The following NR3C2 variants were observed in gnomAD, a reference collection of about 807,000 sequenced individuals.
NR3C2 encodes the protein mineralocorticoid receptor.
Under a neutral mutation model 86.4 loss-of-function variants are expected in NR3C2, and 15 were observed. The ratio of observed to expected loss-of-function variants is 0.17; its 90% CI spans 0.12 to 0.27. NR3C2 has a LOEUF of 0.27. Among genes scored for constraint, NR3C2 ranks in the 10% least tolerant of loss-of-function variants. The pLI, the probability that NR3C2 is intolerant of heterozygous loss-of-function variation, is 1.00. For missense variants in NR3C2, 960 were observed against 1,195.6 expected (o/e 0.80, Z 2.91); for synonymous variants, 458 against 450.5 (o/e 1.02, Z -0.21).
At position 148,195,580 on chromosome 4, in the gene NR3C2, G is replaced by C. The variant is rs554036538; in HGVS notation, c.1898-718C>G. Among the ~76,000 whole-genome samples, 148 of 152,318 alleles carry C rather than the reference G, an allele frequency of 9.7e-4. 1 individual carries two copies. The highest frequency in any genetic ancestry group is 3.2e-3 in the African/African-American group (133 of 41,570). On this transcript the variant is annotated intron_variant, in intron 3 of 8. Transcript: ENST00000358102. ...AATAGACAAGGTAATTAGATAAAAT[G>C]TGTAAGATGTCAGATAATAATAAGC... is the stretch of plus-strand genomic sequence containing the variant.
At chr4:148,264,392 C>T (rs890163356) in intron 2 of NR3C2, among the ~76,000 whole-genome samples, 13 of 152,180 alleles carry the variant, frequency 8.5e-5, no homozygotes, top group African/African-American at 3.1e-4. Context: ...CTTGAACTCA[C>T]CTTCTTCTTA....
intron 8 of NR3C2, among the ~76,000 whole-genome samples, chr4:148,109,510 C>G (rs1309188461): frequency 6.6e-6 from 1 of 152,238 alleles, no homozygotes; most frequent in Admixed American, 6.5e-5. Context: ...TACATGCTCT[C>G]AAGGGTCCCA....
chr4:148,377,412 G>C (rs1480188743), intron 2 of NR3C2, among the ~76,000 whole-genome samples: 3 of 152,128 alleles, frequency 2.0e-5, no homozygotes, highest in Non-Finnish European at 2.9e-5. Context: ...AAAAGTAGGG[G>C]ACAGCAAAGA....
At chr4:148,189,620 G>C (rs1736101386) in intron 4 of NR3C2, among the ~76,000 whole-genome samples, 1 of 152,144 alleles carries the variant, frequency 6.6e-6, no homozygotes. Context: ...TTGAATGTCT[G>C]ATAGAATTCT....
chr4:148,306,098 T>A (rs898861844), intron 2 of NR3C2, among the ~76,000 whole-genome samples: 5 of 152,212 alleles, frequency 3.3e-5, no homozygotes, highest in African/African-American at 1.2e-4. Flanking sequence ...ACTTTACAGT[T>A]TAAGACATGT....
At chr4:148,348,979 C>T (rs929691990) in intron 2 of NR3C2, among the ~76,000 whole-genome samples, 2 of 152,020 alleles carry the variant, frequency 1.3e-5, no homozygotes, top group Admixed American at 6.6e-5. Context: ...ATTTTTGCTG[C>T]AAATTAGTAT....
At chr4:148,317,865 C>G (rs1743285152) in intron 2 of NR3C2, among the ~76,000 whole-genome samples, 1 of 146,592 alleles carries the variant, frequency 6.8e-6, no homozygotes, top group Non-Finnish European at 1.5e-5. Context: ...TCTAGTTAAG[C>G]TGTTTTCTTT....
Position 148,435,866 on chromosome 4 carries a change from G to T in NR3C2, c.995C>A (p.Ser332Tyr), listed in dbSNP as rs995480425. The change falls in exon 2 of 9, where the codon TCT (serine) becomes TAT (tyrosine). Residue 332 changes from serine (S) to tyrosine (Y), a missense_variant. Coordinates refer to ENST00000358102, the MANE Select transcript of NR3C2 (RefSeq NM_000901.5). ...GGCATTGTTTACAGGGCTACAGATA[G>T]ATCCCACAGTACTGGCTGCCGGACT... ...LSSPAASTVGSICSPVNNAFS... is the reference protein window; with the variant it reads ...LSSPAASTVGYICSPVNNAFS... 1.9e-6 allele frequency: 3 copies of T among 1,614,102 alleles called. No homozygotes were observed. In the Admixed American group the frequency reaches 5.0e-5, roughly 27 times the overall value.
intron 2 of NR3C2, among the ~76,000 whole-genome samples, chr4:148,432,669 A>T (rs1749847493): frequency 6.6e-6 from 1 of 152,144 alleles, no homozygotes; most frequent in Admixed American, 6.5e-5. Flanking sequence ...AACCTATTCA[A>T]CATTCCCTGA....
intron 6 of NR3C2, 100 bp downstream of exon 6, chr4:148,152,367 TAG>T: frequency 7.5e-7 from 1 of 1,333,040 alleles, no homozygotes; most frequent in Non-Finnish European, 1.1e-6. Flanking sequence ...CCAGTTTCAG[TAG>T]ATTCTTTCAC....
At chr4:148,127,074 A>AT (rs1360779517) in intron 6 of NR3C2, among the ~76,000 whole-genome samples, 1 of 152,176 alleles carries the variant, frequency 6.6e-6, no homozygotes, top group Non-Finnish European at 1.5e-5. Flanking sequence ...ATGTGGTAAC[A>AT]TTTTGTGTTT....
At chr4:148,086,706 C>A (rs1730830240) in intron 8 of NR3C2, among the ~76,000 whole-genome samples, 1 of 152,136 alleles carries the variant, frequency 6.6e-6, no homozygotes, top group South Asian at 2.1e-4. Flanking sequence ...TGCACCACTG[C>A]AATCCAGCCT....
At chr4:148,300,309 C>G (rs1418472826) in intron 2 of NR3C2, among the ~76,000 whole-genome samples, 1 of 152,180 alleles carries the variant, frequency 6.6e-6, no homozygotes, top group Non-Finnish European at 1.5e-5. Flanking sequence ...TTCCCCTCCA[C>G]AAACAGCCCT....
intron 2 of NR3C2, among the ~76,000 whole-genome samples, chr4:148,386,311 T>G (rs1747259827): frequency 2.0e-5 from 3 of 152,148 alleles, no homozygotes; most frequent in Non-Finnish European, 4.4e-5. Flanking sequence ...TGGTCACAGG[T>G]CTGAGCCACA....
At chr4:148,308,579 A>G (rs1453712662) in intron 2 of NR3C2, among the ~76,000 whole-genome samples, 4 of 152,244 alleles carry the variant, frequency 2.6e-5, no homozygotes, top group Admixed American at 2.6e-4. Context: ...AGAGGCTGGG[A>G]AGGGTATGGG....
chr4:148,332,587 A>G (rs1283554261), intron 2 of NR3C2, among the ~76,000 whole-genome samples: 1 of 152,202 alleles, frequency 6.6e-6, no homozygotes, highest in Non-Finnish European at 1.5e-5. Flanking sequence ...CAAAATGGCT[A>G]CCAGACTGTC....
intron 3 of NR3C2, among the ~76,000 whole-genome samples, chr4:148,220,256 TTTTAA>T (rs1407784581): frequency 6.6e-6 from 1 of 152,006 alleles, no homozygotes; most frequent in African/African-American, 2.4e-5. Context: ...CCAGATAATG[TTTTAA>T]TTTTTTTGTA....
intron 2 of NR3C2, among the ~76,000 whole-genome samples, chr4:148,271,152 C>T (rs774957379): frequency 6.6e-6 from 1 of 152,156 alleles, no homozygotes; most frequent in Non-Finnish European, 1.5e-5. Flanking sequence ...AGTTCTCTTC[C>T]ATGATCACAT....
Position 148,388,467 on chromosome 4 carries a change from G to T in NR3C2, c.1757+46637C>A, listed in dbSNP as rs547491028. ...AGATTCGAAATGCTCAACCTATGTG[G>T]AGAGAATGCATCTGCCTTAGTCACT... On this transcript the variant is annotated intron_variant, in intron 2 of 8. Transcript: ENST00000358102. Among the ~76,000 whole-genome samples the T allele has an allele frequency of 2.0e-5, 3 of 152,238 alleles. No individual in the cohort carries two copies. In the South Asian group the frequency reaches 6.2e-4, roughly 32 times the overall value.
Sources: gnomAD v4.1 joint callset for allele counts (sites outside exome capture counted in the v4.1 genomes callset) on GRCh38, gnomAD v4.1.1 for gene constraint, MANE v1.5 for transcripts, NCBI Gene and HGNC (gene_info 2026-07-23, HGNC 2026-07-21) for gene names.